GGA2: variants seen among roughly 807,000 people sequenced by gnomAD.
GGA2 encodes golgi associated, gamma adaptin ear containing, ARF binding protein 2.
In GGA2, 48 loss-of-function variants were observed where a neutral mutation model predicts 79.5. The ratio of observed to expected loss-of-function variants is 0.60; its 90% CI spans 0.48 to 0.77. The LOEUF (loss-of-function observed/expected upper bound fraction) is 0.77, where lower values mean the gene tolerates loss of function less well. GGA2 is among the 30% of genes least tolerant of loss of function. The pLI, the probability that GGA2 is intolerant of heterozygous loss-of-function variation, is 0.00. For missense variants in GGA2, 770 were observed against 774.0 expected (o/e 0.99, Z 0.06); for synonymous variants, 317 against 302.0 (o/e 1.05, Z -0.51).
intron 1 of GGA2, among the ~76,000 whole-genome samples, chr16:23,499,709 G>A (rs1279186262): frequency 3.3e-5 from 5 of 152,130 alleles, no homozygotes; most frequent in South Asian, 2.1e-4. Flanking sequence ...TGATCCGCCC[G>A]CCTCGGCCCC....
Position 23,465,716 on chromosome 16 carries a change from G to A in GGA2, c.*1874C>T, listed in dbSNP as rs1964428292. 9 of 281,644 alleles carry A rather than the reference G, an allele frequency of 3.2e-5. No homozygotes were observed. Among genetic ancestry groups the A allele is most frequent in the South Asian group, 3.0e-4 (5 of 16,900 alleles). 17.4% of individuals were successfully genotyped at this position (281,644 alleles called of 1,614,324 possible). On this transcript the variant is annotated 3_prime_UTR_variant, in exon 17 of 17. Coordinates refer to ENST00000309859, the MANE Select transcript of GGA2 (RefSeq NM_015044.4). ...AGCACTCTGGGAGGCCAAGGCAGGCGGATCACCTGAGGTCAGGAGTTCGAG... is the reference window on the plus strand; with the variant it reads ...AGCACTCTGGGAGGCCAAGGCAGGCAGATCACCTGAGGTCAGGAGTTCGAG...
chr16:23,515,573 CA>C (rs57148954), intron 2 of GGA2, among the ~76,000 whole-genome samples: 41 of 111,426 alleles, frequency 3.7e-4, no homozygotes, highest in Admixed American at 4.0e-4. Flanking sequence ...CTCCAGCCTG[CA>C]AAAAAAAAAA....
intron 1 of GGA2, chr16:23,501,407 G>A: frequency 2.3e-6 from 1 of 443,110 alleles, no homozygotes; most frequent in Non-Finnish European, 4.5e-6. Context: ...GAGCAAGATG[G>A]AGAAGTGTTT....
At chr16:23,521,864 G>A (rs1191921226) in exon 1 of GGA2, 1 of 456,010 alleles carries the variant, frequency 2.2e-6, no homozygotes, top group East Asian at 6.9e-5. Context: ...ACAACACTCA[G>A]TAGATCAGAG....
upstream of GGA2, among the ~76,000 whole-genome samples, chr16:23,511,136 G>C (rs1965053542): frequency 6.6e-6 from 1 of 151,870 alleles, no homozygotes. Context: ...CAAAGTGCTT[G>C]CATTTATTTT....
chr16:23,464,354 G>C lies in GGA2; in HGVS notation c.*3236C>G, dbSNP rs1384303418. 1 of 152,198 alleles carries C rather than the reference G, an allele frequency of 6.6e-6. No homozygotes were observed. Among genetic ancestry groups the C allele is most frequent in the Non-Finnish European group, 1.5e-5 (1 of 68,046 alleles). The allele number at this position is 152,198 out of a possible 1,614,324, so 9.4% of individuals were successfully genotyped here. ...TTGAAAGGACTTTATTGTGGCTGTG[G>C]TGAAGCAGGCCCTGGTCTTGGCAGA... On this transcript the variant is annotated 3_prime_UTR_variant, in exon 17 of 17. Coordinates refer to ENST00000309859, the MANE Select transcript of GGA2 (RefSeq NM_015044.4).
intron 8 of GGA2, 142 bp downstream of exon 8, chr16:23,485,873 A>C: frequency 1.3e-6 from 1 of 760,082 alleles, no homozygotes; most frequent in Non-Finnish European, 2.2e-6. Context: ...AGGGAGGACA[A>C]AGCAGCACAA....
chr16:23,502,139 GA>G (rs1964928005), intron 1 of GGA2, among the ~76,000 whole-genome samples: 1 of 152,200 alleles, frequency 6.6e-6, no homozygotes. Context: ...CTGAGGCACT[GA>G]ATGCATGATG....
intron 13 of GGA2, among the ~76,000 whole-genome samples, chr16:23,477,792 A>G (rs1419913385): frequency 1.3e-5 from 2 of 152,142 alleles, no homozygotes; most frequent in Admixed American, 1.3e-4. Flanking sequence ...GCCTTCCGCC[A>G]TGACTGGGAG....
chr16:23,473,079 T>TAC (rs1964533507), intron 14 of GGA2, among the ~76,000 whole-genome samples: 1 of 150,378 alleles, frequency 6.6e-6, no homozygotes, highest in Admixed American at 6.7e-5. Flanking sequence ...GTACCTCTAC[T>TAC]TAATAGTGCA....
chr16:23,518,690 G>A (rs1022448324), intron 2 of GGA2, among the ~76,000 whole-genome samples: 28 of 136,840 alleles, frequency 2.0e-4, no homozygotes, highest in African/African-American at 7.2e-4. Flanking sequence ...AGACTTCCCC[G>A]CTTAAATGGA....
At chr16:23,474,015 G>T (rs1270846702) in intron 14 of GGA2, among the ~76,000 whole-genome samples, 1 of 152,162 alleles carries the variant, frequency 6.6e-6, no homozygotes, top group Non-Finnish European at 1.5e-5. Context: ...TGGAACAGAC[G>T]ACCTGAGTTG....
chr16:23,477,549 C>T (rs1964590397), intron 13 of GGA2, among the ~76,000 whole-genome samples: 2 of 152,010 alleles, frequency 1.3e-5, no homozygotes, highest in African/African-American at 4.8e-5. Context: ...CGAGACAATC[C>T]TGGCTAACAC....
intron 13 of GGA2, among the ~76,000 whole-genome samples, chr16:23,478,035 A>T (rs1236410204): frequency 6.8e-6 from 1 of 146,512 alleles, no homozygotes; most frequent in Non-Finnish European, 1.5e-5. Flanking sequence ...TCTACTAAAA[A>T]TTAAAAAAAA....
rs776969497 is a variant in GGA2 at position 23,479,076 on chromosome 16, C to T, written c.1130-165G>A. On this transcript the variant is annotated intron_variant, in intron 11 of 16. Coordinates refer to ENST00000309859, the MANE Select transcript of GGA2 (RefSeq NM_015044.4). The stretch of plus-strand genomic sequence containing the variant: ...CCATGGCCAATCTGTGACTAATATG[C>T]AAGGGGGACCCTCTGAACTGCCCAG... 7.7e-5 allele frequency: 50 copies of T among 647,188 alleles called. 1 individual carries two copies. In the South Asian group the frequency reaches 8.1e-4, roughly 11 times the overall value. The allele number at this position is 647,188 out of a possible 1,614,324, so 40.1% of individuals were successfully genotyped here.
Position 23,467,356 on chromosome 16 carries a change from T to C in GGA2, c.*234A>G, listed in dbSNP as rs1964450352. ...CTTCGCATTTCCCACACTGCCGATATCCCAAGCCCTGTGCTACCACCCTCT... is the reference window on the plus strand; with the variant it reads ...CTTCGCATTTCCCACACTGCCGATACCCCAAGCCCTGTGCTACCACCCTCT... On this transcript the variant is annotated 3_prime_UTR_variant, in exon 17 of 17. Transcript: ENST00000309859. The C allele has an allele frequency of 2.2e-6, 1 of 452,314 alleles. No individual in the cohort carries two copies. Among genetic ancestry groups the C allele is most frequent in the Admixed American group, 3.7e-5 (1 of 26,906 alleles). The allele number at this position is 452,314 out of a possible 1,614,324, so 28.0% of individuals were successfully genotyped here.
chr16:23,472,760 C>T (rs994975734), intron 14 of GGA2, among the ~76,000 whole-genome samples: 2 of 151,268 alleles, frequency 1.3e-5, no homozygotes, highest in Admixed American at 6.6e-5. Flanking sequence ...TAGGGCCGGG[C>T]GCAGTGGCTC....
chr16:23,505,507 G>GA (rs1328441665), intron 1 of GGA2, among the ~76,000 whole-genome samples: 1 of 152,064 alleles, frequency 6.6e-6, no homozygotes, highest in African/African-American at 2.4e-5. Context: ...ACATGAAGTG[G>GA]AAAAAAACAC....
rs118071508 is a variant in GGA2, at chr16:23,503,804, G to A, written c.91+6517C>T. 9.1e-3 allele frequency among the ~76,000 whole-genome samples: 1,389 copies of A among 152,314 alleles called. 13 individuals are homozygous for A. Among genetic ancestry groups the A allele is most frequent in the Middle Eastern group, 0.017 (5 of 294 alleles). ...TTTTAAAAGTACCTAATATGGGGCC[G>A]GGTGTAGTGGCTCATGCCTGTAATC... On this transcript the variant is annotated intron_variant, in intron 1 of 16. Transcript: ENST00000309859.
Sources: gnomAD v4.1 joint callset for allele counts (sites outside exome capture counted in the v4.1 genomes callset) on GRCh38, gnomAD v4.1.1 for gene constraint, MANE v1.5 for transcripts, NCBI Gene and HGNC (gene_info 2026-07-23, HGNC 2026-07-21) for gene names.